The following ING5 variants were observed in gnomAD, a reference collection of about 807,000 sequenced individuals.
ING5 encodes inhibitor of growth protein 5.
A neutral mutation model predicts 37.4 loss-of-function variants in ING5; 17 were observed. The observed-to-expected ratio is 0.45, with a 90% CI of 0.31 to 0.68. ING5 has a LOEUF of 0.68. Among genes scored for constraint, ING5 ranks in the 30% least tolerant of loss-of-function variants. ING5 has a pLI of 0.05. For synonymous variants in ING5, 123 were observed against 116.6 expected, an observed-to-expected ratio of 1.06 and a Z score of -0.36; for missense variants, 233 against 311.9, an observed-to-expected ratio of 0.75 and a Z score of 1.91.
At chr2:241,709,434 C>G (rs369871731) in intron 3 of ING5, 52 bp downstream of exon 3, 2 of 1,521,262 alleles carry the variant, frequency 1.3e-6, no homozygotes, top group South Asian at 2.5e-5. Flanking sequence ...ACTCCTGCCT[C>G]TCATGCAACA....
chr2:241,720,181 C>A, intron 5 of ING5: 1 of 1,234,812 alleles, frequency 8.1e-7, no homozygotes, highest in Non-Finnish European at 1.0e-6. Flanking sequence ...CACTCGGGTG[C>A]CTCCAAGGGC....
chr2:241,717,077 A>ATTT (rs372898679), intron 5 of ING5, among the ~76,000 whole-genome samples: 2 of 142,072 alleles, frequency 1.4e-5, no homozygotes, highest in Admixed American at 7.1e-5. Context: ...GGTAACCTTC[A>ATTT]TTTTTTTTTT....
Position 241,711,419 on chromosome 2 carries a change from T to A in ING5, c.319T>A (p.Phe107Ile). 6.3e-7 allele frequency: 1 copy of A among 1,594,220 alleles called. No individual in the cohort carries two copies. Among genetic ancestry groups the A allele is most frequent in the Non-Finnish European group, 8.5e-7 (1 of 1,171,584 alleles). The change falls in exon 4 of 8, where the codon TTT (phenylalanine) becomes ATT (isoleucine). Residue 107 changes from phenylalanine (F) to isoleucine (I), a missense_variant. This residue lies in a region of ING5 where 19 missense variants were observed against 45.8 expected (regional missense o/e 0.41). Coordinates refer to ENST00000313552, the MANE Select transcript of ING5 (RefSeq NM_032329.6). ...AAGGCTTGATGCAGACCTGGCGCGC[T>A]TTGAAGCAGATCTGAAGGACAAGAT... is the stretch of plus-strand genomic sequence containing the variant. ...IRRLDADLAR[F>I]EADLKDKMEG...
chr2:241,702,003 C>A, upstream of ING5: 9 of 1,239,986 alleles, frequency 7.3e-6, no homozygotes, highest in Non-Finnish European at 8.3e-6. Context: ...CTGGCACCGC[C>A]CCGCCCCCGC....
intron 5 of ING5, chr2:241,720,073 C>T: frequency 8.0e-7 from 1 of 1,242,440 alleles, no homozygotes; most frequent in Non-Finnish European, 1.0e-6. Flanking sequence ...AAGGAGGCCC[C>T]TTCCAGAGGG....
At chr2:241,724,927 T>C in intron 7 of ING5, 62 bp from the exon 8 acceptor site, 44 of 1,537,642 alleles carry the variant, frequency 2.9e-5, no homozygotes, top group Middle Eastern at 4.5e-4. Context: ...AGGCGGGCCC[T>C]GGGCACCCTG....
chr2:241,690,328 C>T, exon 2 of ING5: 1 of 327,408 alleles, frequency 3.1e-6, no homozygotes, highest in Non-Finnish European at 5.5e-6. Context: ...CAGCCAGCCT[C>T]CTGTGGCTCA....
intron 2 of ING5, among the ~76,000 whole-genome samples, chr2:241,707,975 G>T (rs1445908434): frequency 1.3e-5 from 2 of 151,980 alleles, no homozygotes; most frequent in African/African-American, 4.8e-5. Flanking sequence ...TCGGCTCACT[G>T]CAACCTCTGC....
intron 3 of ING5, among the ~76,000 whole-genome samples, chr2:241,710,382 A>C (rs1299863600): frequency 6.6e-6 from 1 of 152,128 alleles, no homozygotes; most frequent in African/African-American, 2.4e-5. Flanking sequence ...AGTTCAGTGC[A>C]ACCTCCACTT....
intron 5 of ING5, among the ~76,000 whole-genome samples, chr2:241,718,396 C>T (rs1199990975): frequency 1.6e-5 from 2 of 127,024 alleles, no homozygotes; most frequent in African/African-American, 5.7e-5. Context: ...TTCCTTCCTT[C>T]CTTCCTTCTT....
At chr2:241,721,393 G>C (rs1053029458) in intron 5 of ING5, 2 of 985,386 alleles carry the variant, frequency 2.0e-6, no homozygotes, top group African/African-American at 3.5e-5. Flanking sequence ...CAGAGAGAAA[G>C]AGCAGAAGAG....
rs1691603928 is a variant in ING5 at position 241,725,898 on chromosome 2, C to CAT, written c.*868_*869dup. 1 of 152,636 alleles carries CAT rather than the reference C, an allele frequency of 6.6e-6. No homozygotes were observed. The highest frequency in any genetic ancestry group is 1.5e-5 in the Non-Finnish European group (1 of 68,044). The allele number at this position is 152,636 out of a possible 1,614,324, so 9.5% of individuals were successfully genotyped here. On this transcript the variant is annotated 3_prime_UTR_variant, in exon 8 of 8. Coordinates refer to ENST00000313552, the MANE Select transcript of ING5 (RefSeq NM_032329.6). ...CACGAATGCTTCTGCCTGTGCTGTG[C>CAT]ATTCCCAGGCCCGCAGCTCCCGGTC...
At chr2:241,702,598 G>C (rs1490346302) in intron 1 of ING5, among the ~76,000 whole-genome samples, 1 of 152,162 alleles carries the variant, frequency 6.6e-6, no homozygotes, top group East Asian at 1.9e-4. Flanking sequence ...ACCGCGGCTG[G>C]GGAGGGCGTG....
At chr2:241,722,350 G>A (rs1010888662) in intron 5 of ING5, 108 of 985,370 alleles carry the variant, frequency 1.1e-4, no homozygotes, top group Admixed American at 3.1e-4. Flanking sequence ...GTCCTGTCTG[G>A]GAGGAGGGAC....
chr2:241,699,039 G>C (rs569115347), upstream of ING5, among the ~76,000 whole-genome samples: 3 of 113,922 alleles, frequency 2.6e-5, no homozygotes, highest in African/African-American at 1.4e-4. Context: ...ATTTTTTTTT[G>C]GGGGGGGAGG....
chr2:241,723,166 G>C lies in ING5; in HGVS notation c.619-44G>C, dbSNP rs1383720090. On this transcript the variant is annotated intron_variant, in intron 6 of 7. Transcript: ENST00000313552. Reference sequence around the variant, plus strand: ...TGGCATTTCTTGTGTTTTGCATACAGAACATGAGGCGTGTTGACTGCGGTT... The same window carrying C: ...TGGCATTTCTTGTGTTTTGCATACACAACATGAGGCGTGTTGACTGCGGTT... The C allele has an allele frequency of 3.7e-6, 6 of 1,613,244 alleles. 1 individual carries two copies. In the Admixed American group the frequency reaches 8.3e-5, roughly 22 times the overall value.
At chr2:241,707,570 G>A (rs974573096) in intron 2 of ING5, among the ~76,000 whole-genome samples, 5 of 152,198 alleles carry the variant, frequency 3.3e-5, no homozygotes, top group Non-Finnish European at 5.9e-5. Context: ...TGGGATTACA[G>A]ACGTGAGTAC....
At chr2:241,704,532 C>T (rs2069844142) in intron 1 of ING5, 121 bp from the exon 2 acceptor site, 1 of 778,990 alleles carries the variant, frequency 1.3e-6, no homozygotes, top group Non-Finnish European at 2.2e-6. Flanking sequence ...CGCACCACTG[C>T]ACTCCAGCCT....
At position 241,728,850 on chromosome 2, in the gene ING5, C is replaced by T. The variant is rs1691717997; in HGVS notation, c.*3819C>T. The T allele has an allele frequency of 6.6e-6, 1 of 152,270 alleles. No homozygotes were observed. The highest frequency in any genetic ancestry group is 2.1e-4 in the South Asian group (1 of 4,834). The allele number at this position is 152,270 out of a possible 1,614,324, so 9.4% of individuals were successfully genotyped here. ...GTCTGCCTGGAGCAGCGAGAAGCAGCTGTGCAGACTGGTGGCGGTGGGAGG... is the reference window on the plus strand; with the variant it reads ...GTCTGCCTGGAGCAGCGAGAAGCAGTTGTGCAGACTGGTGGCGGTGGGAGG... On this transcript the variant is annotated 3_prime_UTR_variant, in exon 8 of 8. Coordinates refer to ENST00000313552, the MANE Select transcript of ING5 (RefSeq NM_032329.6).
Sources: gnomAD v4.1 joint callset for allele counts (sites outside exome capture counted in the v4.1 genomes callset) on GRCh38, gnomAD v4.1.1 for gene constraint, gnomAD v4.1.1 regional missense constraint, MANE v1.5 for transcripts, NCBI Gene and HGNC (gene_info 2026-07-23, HGNC 2026-07-21) for gene names.